Variants in NHS observed in about 807,000 individuals in gnomAD.
The protein encoded by NHS is NHS actin remodeling regulator, also known as actin remodeling regulator NHS.
NHS carries 5 observed loss-of-function variants against 72.5 expected under a neutral mutation model. The observed-to-expected ratio is 0.07, with a 90% CI of 0.04 to 0.14. The LOEUF (loss-of-function observed/expected upper bound fraction) is 0.14. Ranked by LOEUF, NHS falls within the 10% of genes least tolerant of loss-of-function variation. The pLI, the probability that NHS is intolerant of heterozygous loss-of-function variation, is 1.00. For missense variants in NHS, 1,072 were observed against 1,355.7 expected, an observed-to-expected ratio of 0.79 and a Z score of 3.29; for synonymous variants, 464 against 547.7, an observed-to-expected ratio of 0.85 and a Z score of 2.13.
intron 1 of NHS, among the ~76,000 whole-genome samples, chrX:17,653,854 G>A (rs997067519): frequency 8.9e-6 from 1 of 111,853 alleles, no homozygotes; most frequent in African/African-American, 3.3e-5. Context: ...CAGATGGCCA[G>A]GCCTCACCCC....
intron 1 of NHS, among the ~76,000 whole-genome samples, chrX:17,482,869 A>G (rs1363499651): frequency 8.9e-6 from 1 of 112,164 alleles, no homozygotes; most frequent in Admixed American, 9.5e-5. Context: ...TGTACAACTC[A>G]TAGAATTAGA....
intron 1 of NHS, among the ~76,000 whole-genome samples, chrX:17,491,555 C>T (rs1260739155): frequency 9.0e-6 from 1 of 111,419 alleles, no homozygotes; most frequent in Non-Finnish European, 1.9e-5. Context: ...CATCGATGTT[C>T]ATCAGGGATA....
chrX:17,677,185 T>G (rs2066087423), intron 1 of NHS, among the ~76,000 whole-genome samples: 1 of 112,212 alleles, frequency 8.9e-6, no homozygotes, highest in Admixed American at 9.4e-5. Context: ...GGCAGCCTTC[T>G]TAGTTCCCCA....
At chrX:17,595,902 G>A (rs972480974) in intron 1 of NHS, among the ~76,000 whole-genome samples, 3 of 111,754 alleles carry the variant, frequency 2.7e-5, no homozygotes, top group Non-Finnish European at 5.6e-5. Flanking sequence ...TACTTGTGTT[G>A]GTTCTTTAAT....
chrX:17,585,192 T>C (rs2065568395), intron 1 of NHS, among the ~76,000 whole-genome samples: 3 of 111,882 alleles, frequency 2.7e-5, no homozygotes, highest in African/African-American at 9.8e-5. Flanking sequence ...TATTTATTAT[T>C]GCTCTAGCTG....
At position 17,381,280 on chromosome X, in the gene NHS, G is replaced by C. The variant is rs570891145; in HGVS notation, c.565+4958G>C. On this transcript the variant is annotated intron_variant, in intron 1 of 8. Coordinates refer to ENST00000676302, the MANE Select transcript of NHS (RefSeq NM_001291867.2). Reference sequence around the variant, plus strand: ...TGCCGTTGATTTATTTAGTTACTGAGTTTTAAAATAAATTTTATATTAAAG... The same window carrying C: ...TGCCGTTGATTTATTTAGTTACTGACTTTTAAAATAAATTTTATATTAAAG... Among the ~76,000 whole-genome samples, 14 of 111,863 alleles carry C rather than the reference G, an allele frequency of 1.3e-4. 1 individual carries two copies. The highest frequency in any genetic ancestry group is 3.7e-4 in the South Asian group (1 of 2,677).
chrX:17,601,044 G>A (rs1009619070), intron 1 of NHS, among the ~76,000 whole-genome samples: 9 of 112,051 alleles, frequency 8.0e-5, no homozygotes, highest in Non-Finnish European at 1.7e-4. Flanking sequence ...GAGAAAGTAA[G>A]TCACCGATAA....
chrX:17,488,633 G>A (rs2064976971), intron 1 of NHS, among the ~76,000 whole-genome samples: 2 of 111,828 alleles, frequency 1.8e-5, no homozygotes, highest in African/African-American at 6.5e-5. Context: ...TGTAAATACA[G>A]TTATGCAAAT....
At chrX:17,541,783 C>CACACACACACACACACACAG (rs1437997068) in intron 1 of NHS, among the ~76,000 whole-genome samples, 1 of 101,910 alleles carries the variant, frequency 9.8e-6, no homozygotes, top group Admixed American at 1.0e-4. Flanking sequence ...CACACACACA[C>CACACACACACACACACACAG]ACACACACAC....
chrX:17,432,533 C>T (rs762958136), intron 1 of NHS, among the ~76,000 whole-genome samples: 17 of 112,843 alleles, frequency 1.5e-4, no homozygotes, highest in Non-Finnish European at 2.2e-4. Context: ...GCCTCTACCT[C>T]GTTTTATGGA....
chrX:17,448,789 A>G (rs2064793615), intron 1 of NHS, among the ~76,000 whole-genome samples: 1 of 111,984 alleles, frequency 8.9e-6, no homozygotes, highest in South Asian at 3.7e-4. Flanking sequence ...GTGGGCATAT[A>G]CACACACATG....
chrX:17,606,402 T>C (rs1159230731), intron 1 of NHS, among the ~76,000 whole-genome samples: 1 of 111,925 alleles, frequency 8.9e-6, no homozygotes, highest in Non-Finnish European at 1.9e-5. Flanking sequence ...GTAGGTTTGC[T>C]CTCCATACTT....
chrX:17,414,914 T>G (rs1016193482), intron 1 of NHS, among the ~76,000 whole-genome samples: 4 of 110,832 alleles, frequency 3.6e-5, no homozygotes, highest in Admixed American at 9.6e-5. Flanking sequence ...GGTTCAAGAA[T>G]GGAGGACAGA....
chrX:17,494,440 T>G lies in NHS; in HGVS notation c.565+118118T>G, dbSNP rs1423868830. The stretch of plus-strand genomic sequence containing the variant: ...TTCCAAAATATGAAGGAATGACATT[T>G]GTTCATTTTTCAAATGCCATTTGAT... On this transcript the variant is annotated intron_variant, in intron 1 of 8. Transcript: ENST00000676302. Among the ~76,000 whole-genome samples the G allele has an allele frequency of 6.2e-5, 7 of 112,216 alleles. No individual in the cohort carries two copies. In the Admixed American group the frequency reaches 6.6e-4, roughly 11 times the overall value.
chrX:17,523,393 C>T (rs768155900), intron 1 of NHS, among the ~76,000 whole-genome samples: 3 of 112,143 alleles, frequency 2.7e-5, no homozygotes, highest in South Asian at 3.7e-4. Flanking sequence ...AGTCTTCCTG[C>T]CAGGGATGTC....
intron 1 of NHS, among the ~76,000 whole-genome samples, chrX:17,576,244 A>G (rs1164014101): frequency 1.8e-5 from 2 of 112,024 alleles, no homozygotes; most frequent in Non-Finnish European, 3.8e-5. Flanking sequence ...CAATAATTTA[A>G]TATTACAGAA....
At chrX:17,540,851 G>A (rs985240396) in intron 1 of NHS, among the ~76,000 whole-genome samples, 7 of 111,667 alleles carry the variant, frequency 6.3e-5, no homozygotes, top group African/African-American at 1.6e-4. Context: ...AGGCCAAGAC[G>A]GGTGGATCAC....
At chrX:17,689,485 C>T (rs1329563604) in intron 2 of NHS, among the ~76,000 whole-genome samples, 3 of 111,991 alleles carry the variant, frequency 2.7e-5, no homozygotes, top group African/African-American at 9.8e-5. Context: ...GGATTAGGCA[C>T]CCTTCCCATA....
intron 1 of NHS, among the ~76,000 whole-genome samples, chrX:17,472,032 A>T (rs1217850866): frequency 9.0e-6 from 1 of 111,554 alleles, no homozygotes; most frequent in Non-Finnish European, 1.9e-5. Flanking sequence ...CCTGCTGTAT[A>T]AAGTAGCAGA....
Sources: allele counts gnomAD v4.1 joint callset (sites outside exome capture counted in the v4.1 genomes callset), GRCh38; gene constraint gnomAD v4.1.1; transcripts MANE v1.5; gene names NCBI Gene and HGNC (gene_info 2026-07-23, HGNC 2026-07-21).